Variants in SYNPR observed in about 807,000 individuals in gnomAD.
SYNPR encodes synaptoporin.
Under a neutral mutation model 32.9 loss-of-function variants are expected in SYNPR, and 23 were observed. The observed-to-expected ratio is 0.70, with a 90% CI of 0.50 to 0.99. The LOEUF is 0.99. SYNPR is among the 50% of genes least tolerant of loss of function. SYNPR has a pLI of 0.00. For missense variants in SYNPR, 318 were observed against 349.3 expected (o/e 0.91, Z 0.71); for synonymous variants, 146 against 135.9 (o/e 1.07, Z -0.52).
At chr3:63,491,351 G>T (rs1205082475) in intron 3 of SYNPR, among the ~76,000 whole-genome samples, 1 of 151,962 alleles carries the variant, frequency 6.6e-6, no homozygotes, top group African/African-American at 2.4e-5. Context: ...ATTTGGAAAG[G>T]GTCCTTAAGG....
chr3:63,374,892 G>A (rs2087867696), intron 2 of SYNPR, among the ~76,000 whole-genome samples: 1 of 152,172 alleles, frequency 6.6e-6, no homozygotes, highest in South Asian at 2.1e-4. Context: ...TCAGATGGTT[G>A]TAGATGTGTG....
chr3:63,368,892 A>G (rs963009628), intron 2 of SYNPR, among the ~76,000 whole-genome samples: 1 of 152,222 alleles, frequency 6.6e-6, no homozygotes, highest in African/African-American at 2.4e-5. Flanking sequence ...CAACAAGGAC[A>G]TTTCTTAGAG....
intron 2 of SYNPR, among the ~76,000 whole-genome samples, chr3:63,447,025 T>G (rs896041567): frequency 3.3e-5 from 5 of 151,354 alleles, no homozygotes; most frequent in Admixed American, 1.3e-4. Context: ...CTCTTGTTCT[T>G]AAAAAAAAAG....
At chr3:63,358,496 T>G (rs574772494) in intron 2 of SYNPR, among the ~76,000 whole-genome samples, 4 of 152,320 alleles carry the variant, frequency 2.6e-5, no homozygotes, top group African/African-American at 9.6e-5. Context: ...ATCTCTCATC[T>G]CAAGATCCTT....
At chr3:63,351,440 A>T (rs2107018593) in intron 2 of SYNPR, 1 of 152,304 alleles carries the variant, frequency 6.6e-6, no homozygotes, top group East Asian at 1.9e-4. Flanking sequence ...GTTTCCAAGA[A>T]GCAAAGATTC....
At chr3:63,387,426 TGCCACTAGTTTCTGTA>T (rs1190806143) in intron 2 of SYNPR, among the ~76,000 whole-genome samples, 1 of 152,210 alleles carries the variant, frequency 6.6e-6, no homozygotes, top group Non-Finnish European at 1.5e-5. Flanking sequence ...GACCTCAAAA[TGCCACTAGTTTCTGTA>T]GCCCCTACCT....
chr3:63,396,760 A>G (rs2088219348), intron 2 of SYNPR, among the ~76,000 whole-genome samples: 1 of 152,280 alleles, frequency 6.6e-6, no homozygotes, highest in African/African-American at 2.4e-5. Context: ...CTATAACTTC[A>G]GGCTTCTTGA....
intron 1 of SYNPR, among the ~76,000 whole-genome samples, chr3:63,240,037 G>A (rs1403196456): frequency 1.3e-5 from 2 of 152,140 alleles, no homozygotes; most frequent in African/African-American, 4.8e-5. Flanking sequence ...ATTAGCCTGG[G>A]ATTATATGTG....
chr3:63,503,965 A>G (rs1413943189), intron 3 of SYNPR, among the ~76,000 whole-genome samples: 1 of 152,136 alleles, frequency 6.6e-6, no homozygotes, highest in Non-Finnish European at 1.5e-5. Context: ...ATAGAAGATT[A>G]CCATTTCCTA....
chr3:63,574,783 TCCTATC>T (rs1430313198), intron 4 of SYNPR, among the ~76,000 whole-genome samples: 1 of 152,110 alleles, frequency 6.6e-6, no homozygotes, highest in Non-Finnish European at 1.5e-5. Context: ...GAAGGTGGTG[TCCTATC>T]CCTCAGGGAA....
intron 4 of SYNPR, among the ~76,000 whole-genome samples, chr3:63,594,655 A>G (rs559279871): frequency 1.8e-4 from 28 of 152,266 alleles, no homozygotes; most frequent in Middle Eastern, 3.4e-3. Context: ...GTTGTTAGGA[A>G]ATTAAAGAAG....
chr3:63,312,588 C>T (rs1388079396), intron 2 of SYNPR, among the ~76,000 whole-genome samples: 1 of 152,064 alleles, frequency 6.6e-6, no homozygotes, highest in African/African-American at 2.4e-5. Flanking sequence ...CTTCCTGCAG[C>T]CAGACCCACT....
At chr3:63,396,464 GTAT>G (rs1209798992) in intron 2 of SYNPR, among the ~76,000 whole-genome samples, 1 of 152,112 alleles carries the variant, frequency 6.6e-6, no homozygotes, top group East Asian at 1.9e-4. Context: ...TCCTAAATCA[GTAT>G]CCCTTTCAGA....
rs192557397 is a variant in SYNPR, at chr3:63,502,189, A to G, written c.209+21233A>G. 2.7e-3 allele frequency among the ~76,000 whole-genome samples: 406 copies of G among 152,212 alleles called. 3 individuals carry two copies. Among genetic ancestry groups the G allele is most frequent in the Admixed American group, 5.2e-3 (79 of 15,266 alleles). On this transcript the variant is annotated intron_variant, in intron 3 of 5. Coordinates refer to ENST00000478300, the MANE Select transcript of SYNPR (RefSeq NM_001130003.2). ...CATATAGTTCCCATTAGTGGCTTGC[A>G]TTCTAGTTCTGTTGGGCAGTGCTGA...
At chr3:63,558,228 A>T (rs969326357) in intron 4 of SYNPR, among the ~76,000 whole-genome samples, 2 of 152,244 alleles carry the variant, frequency 1.3e-5, no homozygotes, top group Non-Finnish European at 2.9e-5. Context: ...GTGCTAAATA[A>T]ACCTCTTTTC....
the SYNPR span, among the ~76,000 whole-genome samples, chr3:63,205,050 G>A: frequency 6.6e-6 from 1 of 152,002 alleles, no homozygotes; most frequent in Non-Finnish European, 1.5e-5. Context: ...ATCCTTTTCT[G>A]ACCTCTATAA....
At chr3:63,484,622 T>C (rs1415700089) in intron 3 of SYNPR, among the ~76,000 whole-genome samples, 7 of 144,004 alleles carry the variant, frequency 4.9e-5, no homozygotes, top group Non-Finnish European at 6.1e-5. Flanking sequence ...GGGTACAATG[T>C]GCCAAACACT....
At chr3:63,495,196 G>A (rs1701349305) in intron 3 of SYNPR, among the ~76,000 whole-genome samples, 1 of 152,216 alleles carries the variant, frequency 6.6e-6, no homozygotes, top group African/African-American at 2.4e-5. Context: ...TGCCAAACTA[G>A]CAGCTGTCAC....
chr3:63,604,104 T>G (rs1458245415), intron 4 of SYNPR, among the ~76,000 whole-genome samples: 37 of 152,196 alleles, frequency 2.4e-4, no homozygotes, highest in Admixed American at 2.4e-3. Context: ...GTCCATGTCT[T>G]CTAGGTTTTC....
Sources: gnomAD v4.1 joint callset for allele counts (sites outside exome capture counted in the v4.1 genomes callset) on GRCh38, gnomAD v4.1.1 for gene constraint, MANE v1.5 for transcripts, NCBI Gene and HGNC (gene_info 2026-07-23, HGNC 2026-07-21) for gene names.